Variants in DHRS3 observed in about 807,000 individuals in gnomAD.
DHRS3 encodes dehydrogenase/reductase 3.
In DHRS3, 14 loss-of-function variants were observed where a neutral mutation model predicts 27.2. That is an observed-to-expected ratio of 0.52 (90% CI 0.34 to 0.81). DHRS3 has a LOEUF of 0.81. Ranked by LOEUF, DHRS3 falls within the 30% of genes least tolerant of loss-of-function variation. The probability of loss-of-function intolerance (pLI) is 0.01; values close to 1 mark genes in which losing one functional copy is unlikely to be tolerated. For synonymous variants in DHRS3, 165 were observed against 175.9 expected, an observed-to-expected ratio of 0.94 and a Z score of 0.49; for missense variants, 322 against 406.2, an observed-to-expected ratio of 0.79 and a Z score of 1.78.
chr1:12,570,212 G>C (rs1646523716), intron 5 of DHRS3: 1 of 152,220 alleles, frequency 6.6e-6, no homozygotes, highest in South Asian at 2.1e-4. Flanking sequence ...ATCCTCTGGG[G>C]AAGCGTCCTG....
chr1:12,576,094 C>T (rs1646584376), intron 4 of DHRS3, among the ~76,000 whole-genome samples: 1 of 152,154 alleles, frequency 6.6e-6, no homozygotes, highest in African/African-American at 2.4e-5. Context: ...TCACACAGAG[C>T]TGGGATTTGA....
chr1:12,571,156 A>G (rs759427573), intron 5 of DHRS3, among the ~76,000 whole-genome samples: 4 of 152,238 alleles, frequency 2.6e-5, no homozygotes, highest in African/African-American at 4.8e-5. Flanking sequence ...TTGTGGCACC[A>G]GGGACAAGGA....
At chr1:12,606,571 C>A (rs1264838872) in intron 1 of DHRS3, among the ~76,000 whole-genome samples, 1 of 152,018 alleles carries the variant, frequency 6.6e-6, no homozygotes, top group East Asian at 1.9e-4. Context: ...CTCACGGCAA[C>A]CTCCGCCTCC....
At chr1:12,606,444 C>A (rs1646872130) in intron 1 of DHRS3, among the ~76,000 whole-genome samples, 1 of 151,926 alleles carries the variant, frequency 6.6e-6, no homozygotes, top group Non-Finnish European at 1.5e-5. Context: ...AGATCAGGTG[C>A]AGATGAGAGC....
intron 1 of DHRS3, among the ~76,000 whole-genome samples, chr1:12,605,407 A>G (rs1646863703): frequency 6.6e-6 from 1 of 152,214 alleles, no homozygotes; most frequent in African/African-American, 2.4e-5. Flanking sequence ...CATGTACAAT[A>G]CCATGTCCTG....
intron 5 of DHRS3, among the ~76,000 whole-genome samples, chr1:12,569,223 T>A (rs796735193): frequency 1.2e-4 from 15 of 120,182 alleles, no homozygotes; most frequent in African/African-American, 5.8e-4. Flanking sequence ...GTCCCCTCTC[T>A]CTCTCTCTCA....
intron 5 of DHRS3, among the ~76,000 whole-genome samples, chr1:12,571,585 C>A (rs1020013931): frequency 7.0e-6 from 1 of 142,052 alleles, no homozygotes; most frequent in Non-Finnish European, 1.5e-5. Flanking sequence ...GGCTGGAGTG[C>A]GGTGGTGCGA....
intron 1 of DHRS3, among the ~76,000 whole-genome samples, chr1:12,604,126 C>T (rs558816135): frequency 6.6e-6 from 1 of 152,326 alleles, no homozygotes; most frequent in South Asian, 2.1e-4. Context: ...CCTTGAAGGG[C>T]TCTACAACCA....
At chr1:12,611,707 C>T (rs1467005904) in intron 1 of DHRS3, among the ~76,000 whole-genome samples, 5 of 152,090 alleles carry the variant, frequency 3.3e-5, no homozygotes, top group Non-Finnish European at 5.9e-5. Flanking sequence ...TTGAGCGTGC[C>T]GGGATCTTAG....
At chr1:12,607,721 A>G (rs1391051713) in intron 1 of DHRS3, among the ~76,000 whole-genome samples, 1 of 152,250 alleles carries the variant, frequency 6.6e-6, no homozygotes, top group Non-Finnish European at 1.5e-5. Context: ...CTGTATTGAC[A>G]TGGCTGAACT....
chr1:12,606,089 G>A (rs7521755), intron 1 of DHRS3, among the ~76,000 whole-genome samples: 90,592 of 146,620 alleles, frequency 0.62, 28,536 homozygotes, highest in East Asian at 0.8. Flanking sequence ...AGTGAGCTGA[G>A]ATCATGTCAC....
intron 1 of DHRS3, among the ~76,000 whole-genome samples, chr1:12,590,638 T>C (rs569937701): frequency 6.6e-6 from 1 of 151,858 alleles, no homozygotes; most frequent in African/African-American, 2.4e-5. Flanking sequence ...AAAGACTCTG[T>C]CGCTAAAAAA....
At chr1:12,576,217 T>A (rs1216801752) in intron 4 of DHRS3, among the ~76,000 whole-genome samples, 3 of 151,972 alleles carry the variant, frequency 2.0e-5, no homozygotes, top group Non-Finnish European at 2.9e-5. Context: ...ACACACAAAC[T>A]CGATGTCTGC....
chr1:12,586,999 A>T lies in DHRS3; in HGVS notation c.196-6333T>A, dbSNP rs1646702223. Among the ~76,000 whole-genome samples the T allele has an allele frequency of 6.6e-6, 1 of 152,118 alleles. No individual in the cohort carries two copies. Among genetic ancestry groups the T allele is most frequent in the South Asian group, 2.1e-4 (1 of 4,820 alleles). The stretch of plus-strand genomic sequence containing the variant: ...ATACACCCTCTTCACTGCCTCTGAT[A>T]CACCCTCTTCACTGCCTCTGATACA... On this transcript the variant is annotated intron_variant, in intron 1 of 5. Transcript: ENST00000616661. This position sits in a 1 kb window ranked among gnomAD's most constrained non-coding sequence, Gnocchi z 5.0.
chr1:12,575,220 G>A (rs907689551), intron 4 of DHRS3, among the ~76,000 whole-genome samples: 15 of 151,962 alleles, frequency 9.9e-5, no homozygotes, highest in African/African-American at 2.4e-4. Context: ...CCAGCTACTC[G>A]GGAGGCTGAG....
chr1:12,568,270 G>C lies in DHRS3; in HGVS notation c.*70C>G. 1 of 1,394,224 alleles carries C rather than the reference G, an allele frequency of 7.2e-7. No homozygotes were observed. The highest frequency in any genetic ancestry group is 1.0e-6 in the Non-Finnish European group (1 of 982,758). The allele number at this position is 1,394,224 out of a possible 1,614,324, so 86.4% of individuals were successfully genotyped here. On this transcript the variant is annotated 3_prime_UTR_variant, in exon 6 of 6. Transcript: ENST00000616661. The stretch of plus-strand genomic sequence containing the variant: ...AGCAGAAGCATGCCAATGGACAGGT[G>C]CTCGGGTGTGTGCCCAGGTGCTGTG...
At chr1:12,600,345 C>T (rs2100706729) in intron 1 of DHRS3, 1 of 985,390 alleles carries the variant, frequency 1.0e-6, no homozygotes, top group South Asian at 4.7e-5. Context: ...GCACCATGTG[C>T]CCAGTCCACA....
Position 12,568,169 on chromosome 1 carries a change from T to C in DHRS3, c.*171A>G. 1 of 625,458 alleles carries C rather than the reference T, an allele frequency of 1.6e-6. No individual in the cohort carries two copies. The highest frequency in any genetic ancestry group is 2.8e-5 in the East Asian group (1 of 35,648). 38.7% of individuals were successfully genotyped at this position (625,458 alleles called of 1,614,324 possible). On this transcript the variant is annotated 3_prime_UTR_variant, in exon 6 of 6. Coordinates refer to ENST00000616661, the MANE Select transcript of DHRS3 (RefSeq NM_004753.7). The stretch of plus-strand genomic sequence containing the variant: ...TGTGGGGGTCAGTTATACCCATCAG[T>C]CCTGTGCAAAGGTCCTGGGACTGGC...
In DHRS3 at chr1:12,578,934, C is replaced by T. The variant is rs764498599; in HGVS notation, c.482G>A (p.Arg161His). Residue 161 changes from arginine (R) to histidine (H), a missense_variant, in exon 4 of 6, where the codon CGT (arginine) becomes CAT (histidine). By Grantham distance (29) the Arg-to-His change is conservative. Transcript: ENST00000616661. This position sits in a 1 kb window ranked among gnomAD's most constrained non-coding sequence, Gnocchi z 4.5. ...QFWTTKAFLP[R>H]MLELQNGHIV... ...GTGGCCATTCTGCAGCTCCAGCATA[C>T]GCGGCAGGAAGGCCTTGGTGGTCTG... is the stretch of plus-strand genomic sequence containing the variant. The T allele has an allele frequency of 3.8e-5, 61 of 1,613,046 alleles. No individual in the cohort carries two copies. Among genetic ancestry groups the T allele is most frequent in the South Asian group, 2.4e-4 (22 of 91,022 alleles).
Sources: allele counts gnomAD v4.1 joint callset (sites outside exome capture counted in the v4.1 genomes callset), GRCh38; gene constraint gnomAD v4.1.1; non-coding constraint Gnocchi (gnomAD v3.1); transcripts MANE v1.5; gene names NCBI Gene and HGNC (gene_info 2026-07-23, HGNC 2026-07-21).